Variants in CSPP1 observed in about 807,000 individuals in gnomAD.
CSPP1 encodes the protein centrosome and spindle pole associated protein 1, also known as centrosome and spindle pole-associated protein 1.
In CSPP1, 126 loss-of-function variants were observed where a neutral mutation model predicts 164.4. The ratio of observed to expected loss-of-function variants is 0.77; its 90% CI spans 0.66 to 0.89. CSPP1 has a LOEUF of 0.89. Ranked by LOEUF, CSPP1 falls within the 40% of genes least tolerant of loss-of-function variation. The pLI is 0.00. For missense variants in CSPP1, 1,395 were observed against 1,449.8 expected, an observed-to-expected ratio of 0.96 and a Z score of 0.61; for synonymous variants, 472 against 476.7, an observed-to-expected ratio of 0.99 and a Z score of 0.13.
chr8:67,169,808 G>A (rs947834351), intron 24 of CSPP1, among the ~76,000 whole-genome samples: 2 of 152,068 alleles, frequency 1.3e-5, no homozygotes, highest in Non-Finnish European at 2.9e-5. Context: ...GAGTGCAGTG[G>A]CATGATCTTG....
At chr8:67,181,253 G>T (rs1218010932) in intron 28 of CSPP1, among the ~76,000 whole-genome samples, 1 of 150,924 alleles carries the variant, frequency 6.6e-6, no homozygotes, top group Non-Finnish European at 1.5e-5. Flanking sequence ...GCCCAGGCTG[G>T]TCTCAAACAC....
At chr8:67,086,645 G>T (rs1810456483) in intron 4 of CSPP1, among the ~76,000 whole-genome samples, 1 of 151,882 alleles carries the variant, frequency 6.6e-6, no homozygotes, top group Non-Finnish European at 1.5e-5. Context: ...TTTAAATTTA[G>T]GTTATAAAAT....
chr8:67,117,116 T>C (rs1379666674), intron 13 of CSPP1, among the ~76,000 whole-genome samples: 2 of 152,218 alleles, frequency 1.3e-5, no homozygotes, highest in Non-Finnish European at 2.9e-5. Flanking sequence ...AGTGGAGTAG[T>C]ATTATATTTT....
intron 30 of CSPP1, among the ~76,000 whole-genome samples, chr8:67,194,375 A>G (rs1205037767): frequency 6.6e-6 from 1 of 152,206 alleles, no homozygotes; most frequent in Non-Finnish European, 1.5e-5. Flanking sequence ...GTACTCATAT[A>G]CTATCTATCT....
At chr8:67,160,665 A>G (rs925960365) in intron 21 of CSPP1, among the ~76,000 whole-genome samples, 2 of 151,718 alleles carry the variant, frequency 1.3e-5, no homozygotes, top group Admixed American at 6.6e-5. Flanking sequence ...TAACATTGCT[A>G]TCATTTTCTT....
chr8:67,165,360 A>C (rs1829123499), intron 24 of CSPP1, among the ~76,000 whole-genome samples: 1 of 152,158 alleles, frequency 6.6e-6, no homozygotes, highest in Non-Finnish European at 1.5e-5. Flanking sequence ...AACATCTTAT[A>C]TTACCATGGT....
At chr8:67,159,254 G>A in intron 21 of CSPP1, 117 bp downstream of exon 21, 1 of 962,238 alleles carries the variant, frequency 1.0e-6, no homozygotes, top group South Asian at 1.7e-5. Context: ...TTCCTGTTCT[G>A]TCTTACTGTT....
At chr8:67,089,461 G>C (rs1281918095) in intron 4 of CSPP1, among the ~76,000 whole-genome samples, 1 of 152,128 alleles carries the variant, frequency 6.6e-6, no homozygotes, top group African/African-American at 2.4e-5. Context: ...GTCCAAAAGA[G>C]AATTCTTGAT....
rs1255008794 is a variant in CSPP1 at position 67,196,447 on chromosome 8, C to T, written c.*854C>T. Among the ~76,000 whole-genome samples the T allele has an allele frequency of 1.3e-5, 2 of 152,126 alleles. No individual in the cohort carries two copies. Among genetic ancestry groups the T allele is most frequent in the Non-Finnish European group, 2.9e-5 (2 of 68,022 alleles). On this transcript the variant is annotated 3_prime_UTR_variant, in exon 31 of 31. Transcript: ENST00000678616. ...TGATACTTCTAAAAAAGGAAAGAGT[C>T]ATTCAAATAATTGTGACATTCTGAC...
At chr8:67,185,425 C>A (rs1834310319) in intron 28 of CSPP1, among the ~76,000 whole-genome samples, 1 of 152,202 alleles carries the variant, frequency 6.6e-6, no homozygotes, top group African/African-American at 2.4e-5. Flanking sequence ...ATGAATTGCA[C>A]ATTATTGAAG....
chr8:67,194,668 C>T (rs1453330424), intron 30 of CSPP1, among the ~76,000 whole-genome samples: 1 of 150,740 alleles, frequency 6.6e-6, no homozygotes, highest in African/African-American at 2.4e-5. Context: ...CATACCAATC[C>T]TTCACAGACC....
chr8:67,094,235 C>T (rs944880783), intron 6 of CSPP1, among the ~76,000 whole-genome samples: 2 of 144,170 alleles, frequency 1.4e-5, no homozygotes, highest in African/African-American at 5.1e-5. Context: ...GAAGTAATAT[C>T]TCCTGGGATA....
chr8:67,065,430 C>G (rs1309389365), intron 1 of CSPP1: 2 of 436,532 alleles, frequency 4.6e-6, no homozygotes, highest in African/African-American at 4.3e-5. Flanking sequence ...TTGGAAAATG[C>G]AGGGGCTTAA....
intron 7 of CSPP1, among the ~76,000 whole-genome samples, chr8:67,102,553 G>A (rs1458480943): frequency 6.6e-6 from 1 of 152,040 alleles, no homozygotes; most frequent in Non-Finnish European, 1.5e-5. Context: ...TTGTGCCACT[G>A]CACTCCAGCC....
chr8:67,159,835 TTTC>T (rs2129560548), intron 21 of CSPP1, among the ~76,000 whole-genome samples: 7 of 127,940 alleles, frequency 5.5e-5, no homozygotes, highest in African/African-American at 2.7e-4. Flanking sequence ...TCTCTCTTTC[TTTC>T]TTTCTTTCTT....
chr8:67,132,971 A>T lies in CSPP1; in HGVS notation c.1827+891A>T, dbSNP rs575432962. ...AAAAGTACTTTTGTTCAACTTTTACATGGGCAACTTTCTTGAAAGATAGAT... is the reference window on the plus strand; with the variant it reads ...AAAAGTACTTTTGTTCAACTTTTACTTGGGCAACTTTCTTGAAAGATAGAT... On this transcript the variant is annotated intron_variant, in intron 16 of 30. Coordinates refer to ENST00000678616, the MANE Select transcript of CSPP1 (RefSeq NM_001382391.1). Among the ~76,000 whole-genome samples, 7 of 152,320 alleles carry T rather than the reference A, an allele frequency of 4.6e-5. No homozygotes were observed. In the East Asian group the frequency reaches 1.4e-3, roughly 29 times the overall value.
At chr8:67,119,175 G>A (rs146555238) in intron 15 of CSPP1, among the ~76,000 whole-genome samples, 4 of 152,160 alleles carry the variant, frequency 2.6e-5, no homozygotes, top group African/African-American at 9.6e-5. Flanking sequence ...ATGTCCTCAA[G>A]GTTCATCCGT....
intron 28 of CSPP1, among the ~76,000 whole-genome samples, chr8:67,180,540 G>T (rs961907697): frequency 2.0e-5 from 3 of 151,968 alleles, no homozygotes; most frequent in African/African-American, 7.2e-5. Flanking sequence ...ACATGTAAAT[G>T]GGAAATAAAA....
chr8:67,155,919 A>T (rs1192590120), intron 19 of CSPP1, among the ~76,000 whole-genome samples: 1 of 152,170 alleles, frequency 6.6e-6, no homozygotes, highest in Admixed American at 6.5e-5. Flanking sequence ...AACAATATAG[A>T]TATTAAATGT....
Sources: gnomAD v4.1 joint callset for allele counts (sites outside exome capture counted in the v4.1 genomes callset) on GRCh38, gnomAD v4.1.1 for gene constraint, MANE v1.5 for transcripts, NCBI Gene and HGNC (gene_info 2026-07-23, HGNC 2026-07-21) for gene names.